Variants in CORO2B observed in about 807,000 individuals in gnomAD.
CORO2B encodes coronin 2B.
In CORO2B, 26 loss-of-function variants were observed where a neutral mutation model predicts 58.8. The ratio of observed to expected loss-of-function variants is 0.44; its 90% confidence interval spans 0.32 to 0.61. The LOEUF is 0.61. CORO2B is among the 20% of genes least tolerant of loss of function. The pLI is 0.04. For synonymous variants in CORO2B, 242 were observed against 253.8 expected (o/e 0.95, Z 0.44); for missense variants, 460 against 645.1 (o/e 0.71, Z 3.11).
chr15:68,561,153 G>C, the CORO2B span, among the ~76,000 whole-genome samples: 1 of 152,222 alleles, frequency 6.6e-6, no homozygotes, highest in African/African-American at 2.4e-5. Flanking sequence ...GGAGCTTGAA[G>C]AGGGTTTTTT....
intron 1 of CORO2B, among the ~76,000 whole-genome samples, chr15:68,614,776 C>T (rs1900314115): frequency 1.3e-5 from 2 of 152,312 alleles, no homozygotes; most frequent in South Asian, 2.1e-4. Flanking sequence ...GGCCCTTTAT[C>T]CGCTCCTCTC....
intron 2 of CORO2B, among the ~76,000 whole-genome samples, chr15:68,676,934 G>A (rs542458580): frequency 6.6e-6 from 1 of 152,156 alleles, no homozygotes; most frequent in East Asian, 1.9e-4. Context: ...ACCATGCCTG[G>A]CTAATTTTTT....
intron 2 of CORO2B, among the ~76,000 whole-genome samples, chr15:68,680,285 G>A (rs1902737197): frequency 6.6e-6 from 1 of 152,182 alleles, no homozygotes; most frequent in East Asian, 1.9e-4. Flanking sequence ...AAGCATGTCT[G>A]TACCACTGAG....
the CORO2B span, among the ~76,000 whole-genome samples, chr15:68,538,434 G>T: frequency 6.6e-6 from 1 of 152,244 alleles, no homozygotes; most frequent in African/African-American, 2.4e-5. Flanking sequence ...GGAACCTCTG[G>T]CCTCAGCTGC....
chr15:68,583,150 C>G (rs1483416306), intron 1 of CORO2B, among the ~76,000 whole-genome samples: 1 of 152,144 alleles, frequency 6.6e-6, no homozygotes, highest in African/African-American at 2.4e-5. Context: ...TGATAAGAGC[C>G]AGTGGCTCCT....
chr15:68,561,772 T>C, the CORO2B span, among the ~76,000 whole-genome samples: 1 of 152,052 alleles, frequency 6.6e-6, no homozygotes, highest in Non-Finnish European at 1.5e-5. Flanking sequence ...CATGTGCCTG[T>C]GTGAGCGGAG....
chr15:68,665,682 C>T (rs1487007910), intron 2 of CORO2B, among the ~76,000 whole-genome samples: 2 of 151,914 alleles, frequency 1.3e-5, no homozygotes, highest in Non-Finnish European at 2.9e-5. Flanking sequence ...TCTTGTTACA[C>T]GTATTTACCT....
the CORO2B span, among the ~76,000 whole-genome samples, chr15:68,560,296 A>ATTTTT: frequency 8.0e-6 from 1 of 125,330 alleles, no homozygotes; most frequent in Non-Finnish European, 1.7e-5. Flanking sequence ...TTCTTTCTTT[A>ATTTTT]TTTTTTTTTT....
the CORO2B span, among the ~76,000 whole-genome samples, chr15:68,561,343 T>A: frequency 0.18 from 27,761 of 151,904 alleles, 2,787 homozygotes; most frequent in Middle Eastern, 0.28. Flanking sequence ...TGCCTGCAGC[T>A]CACTCTCCCC....
chr15:68,704,497 G>C (rs775570551), intron 3 of CORO2B, among the ~76,000 whole-genome samples: 1 of 152,180 alleles, frequency 6.6e-6, no homozygotes, highest in Admixed American at 6.5e-5. Context: ...AATAAGGTCA[G>C]AGCCTGCATT....
chr15:68,686,034 T>G (rs922549929), intron 2 of CORO2B, among the ~76,000 whole-genome samples: 20 of 149,900 alleles, frequency 1.3e-4, no homozygotes, highest in African/African-American at 4.9e-4. Flanking sequence ...TTTTTTTTTT[T>G]TTTCTTTTTT....
intron 1 of CORO2B, among the ~76,000 whole-genome samples, chr15:68,610,665 C>T (rs1053957650): frequency 6.6e-6 from 1 of 152,180 alleles, no homozygotes; most frequent in Admixed American, 6.5e-5. Flanking sequence ...ACTCCCAAGG[C>T]ATTGATGTGT....
chr15:68,554,653 C>T, the CORO2B span, among the ~76,000 whole-genome samples: 2 of 152,344 alleles, frequency 1.3e-5, no homozygotes, highest in East Asian at 3.9e-4. Flanking sequence ...ACTTCACCCA[C>T]ATCATTGGTT....
intron 2 of CORO2B, among the ~76,000 whole-genome samples, chr15:68,685,476 T>C (rs1445398498): frequency 2.0e-5 from 3 of 152,180 alleles, no homozygotes. Context: ...CCTCCCAAAG[T>C]GCTGGGATTA....
At chr15:68,584,573 C>T (rs1351580811) in intron 1 of CORO2B, among the ~76,000 whole-genome samples, 1 of 152,276 alleles carries the variant, frequency 6.6e-6, no homozygotes, top group East Asian at 1.9e-4. Context: ...ACACAGCCTC[C>T]GCCAGGGCCA....
In CORO2B at chr15:68,726,422, G is replaced by T; in HGVS notation, c.*448G>T. On this transcript the variant is annotated 3_prime_UTR_variant, in exon 12 of 12. Transcript: ENST00000261861. ...CTGAAGGTACCACAGTGTAAGTGCT[G>T]GACTGCAGGCTGCAGTGATCCCTCT... is the stretch of plus-strand genomic sequence containing the variant. 1 of 215,420 alleles carries T rather than the reference G, an allele frequency of 4.6e-6. No individual in the cohort carries two copies. Among genetic ancestry groups the T allele is most frequent in the South Asian group, 6.1e-5 (1 of 16,356 alleles). The allele number at this position is 215,420 out of a possible 1,614,324, so 13.3% of individuals were successfully genotyped here.
At chr15:68,545,612 C>CTGGGGGG in the CORO2B span, among the ~76,000 whole-genome samples, 1 of 53,266 alleles carries the variant, frequency 1.9e-5, no homozygotes, top group Non-Finnish European at 3.7e-5. Flanking sequence ...ATGCGGGGGG[C>CTGGGGGG]GGGGGGGGTA....
intron 11 of CORO2B, among the ~76,000 whole-genome samples, chr15:68,725,066 A>G (rs1048830341): frequency 3.9e-5 from 6 of 152,190 alleles, no homozygotes; most frequent in Non-Finnish European, 8.8e-5. Flanking sequence ...GCATTTTAGA[A>G]AGTTCTAAAT....
intron 1 of CORO2B, among the ~76,000 whole-genome samples, chr15:68,599,216 C>A (rs1312461837): frequency 6.6e-6 from 1 of 152,184 alleles, no homozygotes; most frequent in Admixed American, 6.5e-5. Context: ...CTCCACAGAG[C>A]CTTCTCTGAT....
Sources: allele counts gnomAD v4.1 joint callset (sites outside exome capture counted in the v4.1 genomes callset), GRCh38; gene constraint gnomAD v4.1.1; transcripts MANE v1.5; gene names NCBI Gene and HGNC (gene_info 2026-07-23, HGNC 2026-07-21).